FSTL4: variants seen among roughly 807,000 people sequenced by gnomAD.
FSTL4 encodes the protein follistatin like 4.
A neutral mutation model predicts 78.2 loss-of-function variants in FSTL4; 28 were observed. That is an observed-to-expected ratio of 0.36 (90% confidence interval 0.27 to 0.49). The LOEUF is 0.49. FSTL4 is among the 20% of genes least tolerant of loss of function. The pLI is 0.98. For synonymous variants in FSTL4, 422 were observed against 440.5 expected, an observed-to-expected ratio of 0.96 and a Z score of 0.53; for missense variants, 922 against 1,084.9, an observed-to-expected ratio of 0.85 and a Z score of 2.11.
chr5:133,240,312 T>G (rs1751810636), intron 7 of FSTL4, among the ~76,000 whole-genome samples: 1 of 152,222 alleles, frequency 6.6e-6, no homozygotes, highest in Non-Finnish European at 1.5e-5. Flanking sequence ...TAGACGGACT[T>G]GCCATCCTGC....
chr5:133,579,108 A>G (rs1002642754), intron 2 of FSTL4, among the ~76,000 whole-genome samples: 3 of 152,218 alleles, frequency 2.0e-5, no homozygotes, highest in Admixed American at 6.5e-5. Context: ...CATTATCTGC[A>G]GAGCTGCTTA....
intron 13 of FSTL4, among the ~76,000 whole-genome samples, chr5:133,214,706 T>C (rs949051291): frequency 3.3e-5 from 5 of 152,212 alleles, no homozygotes; most frequent in Non-Finnish European, 5.9e-5. Context: ...CACTTCCTCC[T>C]GTTATAATGA....
Position 133,312,674 on chromosome 5 carries a change from C to A in FSTL4, c.707G>T (p.Arg236Leu). 4 of 1,613,922 alleles carry A rather than the reference C, an allele frequency of 2.5e-6. No individual in the cohort carries two copies. The highest frequency in any genetic ancestry group is 1.3e-5 in the African/African-American group (1 of 74,992). The change falls in exon 6 of 16, where the codon CGC (arginine) becomes CTC (leucine). Residue 236 changes from arginine to leucine, a missense_variant. Transcript: ENST00000265342. ...DYNSDSSLTL[R>L]EFYMAFQVVQ... ...CTTACGGAAGGCCATGTAGAACTCGCGGAGGGTCAGGGAGCTGTCACTGTT... is the reference window on the plus strand; with the variant it reads ...CTTACGGAAGGCCATGTAGAACTCGAGGAGGGTCAGGGAGCTGTCACTGTT...
At chr5:133,240,575 T>A (rs573854338) in intron 7 of FSTL4, among the ~76,000 whole-genome samples, 1 of 152,080 alleles carries the variant, frequency 6.6e-6, no homozygotes. Context: ...GCTCGGGGCA[T>A]GTGTGGTCCC....
the FSTL4 span, among the ~76,000 whole-genome samples, chr5:133,640,445 C>T: frequency 6.6e-6 from 1 of 152,194 alleles, no homozygotes; most frequent in Non-Finnish European, 1.5e-5. Context: ...ACCTCCTGCT[C>T]TCTGGGACAC....
chr5:133,831,740 A>G, the FSTL4 span, among the ~76,000 whole-genome samples: 1 of 152,250 alleles, frequency 6.6e-6, no homozygotes, highest in South Asian at 2.1e-4. Flanking sequence ...TTGCAAAAGC[A>G]CAAGAGCTGT....
the FSTL4 span, among the ~76,000 whole-genome samples, chr5:133,826,216 C>T: frequency 0.13 from 19,075 of 152,160 alleles, 1,342 homozygotes; most frequent in East Asian, 0.18. Context: ...ATTCAGATGG[C>T]GCCACATGGC....
chr5:133,653,428 C>T, the FSTL4 span, among the ~76,000 whole-genome samples: 1 of 152,266 alleles, frequency 6.6e-6, no homozygotes, highest in Non-Finnish European at 1.5e-5. Context: ...AGAGGCGCCC[C>T]GTGTGAAAGC....
intron 3 of FSTL4, among the ~76,000 whole-genome samples, chr5:133,457,366 C>G (rs949399240): frequency 4.6e-5 from 7 of 152,206 alleles, no homozygotes; most frequent in African/African-American, 1.7e-4. Flanking sequence ...ATTTCAGCAA[C>G]TGGGCAGGAT....
Position 133,217,337 on chromosome 5 carries a change from G to A in FSTL4, c.1500C>T (p.Pro500=). The part of the protein sequence containing the change: ...CPQREKNATQ[P]CQWVSAVNVR... ...CATTGACTGCAGATACCCACTGGCA[G>A]GGCTGGGTTGCATTTTTTTCTCTTT... The change falls in exon 13 of 16, where the codon CCC becomes CCT. Residue 500 remains proline, a synonymous_variant. Coordinates refer to ENST00000265342, the MANE Select transcript of FSTL4 (RefSeq NM_015082.2). 6.2e-7 allele frequency: 1 copy of A among 1,614,094 alleles called. No homozygotes were observed. The highest frequency in any genetic ancestry group is 1.1e-5 in the South Asian group (1 of 91,076).
intron 4 of FSTL4, among the ~76,000 whole-genome samples, chr5:133,357,956 G>T (rs960757421): frequency 1.3e-5 from 2 of 152,224 alleles, no homozygotes; most frequent in African/African-American, 4.8e-5. Context: ...CACTCAGGAG[G>T]ACCAGTCGGC....
the FSTL4 span, among the ~76,000 whole-genome samples, chr5:133,824,543 C>T: frequency 1.3e-5 from 2 of 152,294 alleles, no homozygotes; most frequent in Admixed American, 1.3e-4. Context: ...GTATATTTCA[C>T]AGTATCAGAG....
rs140869901 is a variant in FSTL4, at chr5:133,469,018, G to T, written c.161-68032C>A. 1.7e-3 allele frequency among the ~76,000 whole-genome samples: 266 copies of T among 152,278 alleles called. 2 individuals are homozygous for T. The highest frequency in any genetic ancestry group is 6.1e-3 in the African/African-American group (252 of 41,558). On this transcript the variant is annotated intron_variant, in intron 3 of 15. Coordinates refer to ENST00000265342, the MANE Select transcript of FSTL4 (RefSeq NM_015082.2). ...AAGGCAGGTATAATTACTCTTAATT[G>T]CAAAAACCACAATTACTTTTGCACT...
intron 3 of FSTL4, among the ~76,000 whole-genome samples, chr5:133,464,303 C>T (rs917800845): frequency 1.3e-5 from 2 of 152,228 alleles, no homozygotes; most frequent in African/African-American, 4.8e-5. Context: ...AAGGCTGCTA[C>T]ATTTTCCCAA....
the FSTL4 span, among the ~76,000 whole-genome samples, chr5:133,729,785 T>C: frequency 1.3e-5 from 2 of 152,088 alleles, no homozygotes; most frequent in African/African-American, 4.8e-5. Context: ...AGGAGATATC[T>C]AGAGAGTCCT....
At chr5:133,241,238 A>G (rs765329713) in intron 7 of FSTL4, among the ~76,000 whole-genome samples, 4 of 152,222 alleles carry the variant, frequency 2.6e-5, no homozygotes, top group Non-Finnish European at 4.4e-5. Flanking sequence ...TGTGAGTATA[A>G]CACTTACAAT....
the FSTL4 span, among the ~76,000 whole-genome samples, chr5:133,810,332 A>T: frequency 6.6e-6 from 1 of 152,220 alleles, no homozygotes; most frequent in Non-Finnish European, 1.5e-5. Context: ...CTCTCCAGAC[A>T]TGATGGCTAC....
At chr5:133,372,633 G>C (rs781500374) in intron 4 of FSTL4, among the ~76,000 whole-genome samples, 4 of 152,210 alleles carry the variant, frequency 2.6e-5, no homozygotes, top group Non-Finnish European at 5.9e-5. Context: ...CCCGATGAAA[G>C]AGAGCTGTTG....
intron 3 of FSTL4, among the ~76,000 whole-genome samples, chr5:133,496,881 C>T (rs1407816715): frequency 2.0e-5 from 3 of 152,158 alleles, no homozygotes; most frequent in Non-Finnish European, 2.9e-5. Context: ...CCTCCCTGTA[C>T]GTCCAGTTGG....
Sources: gnomAD v4.1 joint callset for allele counts (sites outside exome capture counted in the v4.1 genomes callset) on GRCh38, gnomAD v4.1.1 for gene constraint, MANE v1.5 for transcripts, NCBI Gene and HGNC (gene_info 2026-07-23, HGNC 2026-07-21) for gene names.